Variants in TBC1D25 observed in about 807,000 individuals in gnomAD.
TBC1D25 encodes 5SN3 snoRNA.
Under a neutral mutation model 38.8 loss-of-function variants are expected in TBC1D25, and 13 were observed. The ratio of observed to expected loss-of-function variants is 0.34; its 90% confidence interval spans 0.22 to 0.53. The LOEUF is 0.53. Among genes scored for constraint, TBC1D25 ranks in the 20% least tolerant of loss-of-function variants. TBC1D25 has a pLI of 0.94. For missense variants in TBC1D25, 372 were observed against 600.0 expected (o/e 0.62, Z 3.97); for synonymous variants, 225 against 255.6 (o/e 0.88, Z 1.14).
intron 3 of TBC1D25, among the ~76,000 whole-genome samples, chrX:48,549,861 ATTTTC>A (rs2061915335): frequency 1.8e-5 from 2 of 111,538 alleles, no homozygotes; most frequent in South Asian, 7.3e-4. Flanking sequence ...AATATTCTAT[ATTTTC>A]TTCTACTATG....
intron 3 of TBC1D25, among the ~76,000 whole-genome samples, chrX:48,549,728 T>C (rs781809840): frequency 6.8e-4 from 76 of 112,441 alleles, no homozygotes; most frequent in African/African-American, 2.4e-3. Flanking sequence ...ATCGAATTCC[T>C]GATCTCAAGT....
chrX:48,542,219 A>G (rs1235889236), intron 2 of TBC1D25, among the ~76,000 whole-genome samples: 1 of 97,183 alleles, frequency 1.0e-5, no homozygotes, highest in Non-Finnish European at 2.0e-5. Context: ...CCCGGGCTGC[A>G]GTGCAGTGGC....
At chrX:48,550,750 C>G (rs1452213391) in intron 3 of TBC1D25, among the ~76,000 whole-genome samples, 4 of 110,252 alleles carry the variant, frequency 3.6e-5, no homozygotes, top group African/African-American at 1.3e-4. Flanking sequence ...AGCTCCACCT[C>G]CTGGGTTCAC....
chrX:48,544,384 C>T (rs1260863633), intron 2 of TBC1D25, among the ~76,000 whole-genome samples: 1 of 105,558 alleles, frequency 9.5e-6, no homozygotes, highest in Non-Finnish European at 1.9e-5. Context: ...ATGCCACAAT[C>T]TTGGCTCACT....
chrX:48,559,379 A>G (rs1359280549), intron 5 of TBC1D25, 33 bp downstream of exon 5: 3 of 1,179,745 alleles, frequency 2.5e-6, no homozygotes, highest in Non-Finnish European at 3.4e-6. Flanking sequence ...TGGGTCCATC[A>G]CTGCTGCACT....
chrX:48,552,545 G>A (rs782625807), intron 3 of TBC1D25, among the ~76,000 whole-genome samples: 8 of 109,811 alleles, frequency 7.3e-5, no homozygotes, highest in African/African-American at 2.6e-4. Flanking sequence ...TAGAGACGGG[G>A]TTTCACCGTG....
rs374981677 is a variant in TBC1D25 at position 48,541,329 on chromosome X, C to T, written c.124-4C>T. ...GTGGCCTACCCCATGTCTTCTCTCCCCAGAAATGTGAGAGCTTCTTGCCGC... is the reference window on the plus strand; with the variant it reads ...GTGGCCTACCCCATGTCTTCTCTCCTCAGAAATGTGAGAGCTTCTTGCCGC... On this transcript the variant is annotated splice_polypyrimidine_tract_variant and splice_region_variant and intron_variant, in intron 1 of 5. Transcript: ENST00000376771. 1 of 1,210,938 alleles carries T rather than the reference C, an allele frequency of 8.3e-7. No homozygotes were observed. The highest frequency in any genetic ancestry group is 2.2e-5 in the Admixed American group (1 of 45,995).
chrX:48,556,546 A>G (rs1362239880), intron 3 of TBC1D25, among the ~76,000 whole-genome samples: 5 of 109,941 alleles, frequency 4.5e-5, no homozygotes, highest in Non-Finnish European at 9.5e-5. Context: ...ACCTGAGGTC[A>G]GGAGTTGGAG....
chrX:48,544,305 C>T (rs1288728957), intron 2 of TBC1D25, among the ~76,000 whole-genome samples: 1 of 103,847 alleles, frequency 9.6e-6, no homozygotes, highest in Non-Finnish European at 2.0e-5. Context: ...CACATCTACC[C>T]CAGAGGGGAC....
chrX:48,551,267 C>G (rs1282023438), intron 3 of TBC1D25, among the ~76,000 whole-genome samples: 1 of 111,961 alleles, frequency 8.9e-6, no homozygotes, highest in Non-Finnish European at 1.9e-5. Context: ...AGTCTCCTGT[C>G]AGTTCAGATC....
intron 3 of TBC1D25, among the ~76,000 whole-genome samples, chrX:48,557,591 C>T (rs1203833534): frequency 1.9e-5 from 2 of 106,189 alleles, no homozygotes; most frequent in Non-Finnish European, 3.9e-5. Context: ...TGCAGTGAGC[C>T]GAGATCCCGT....
At chrX:48,545,073 A>C in intron 3 of TBC1D25, 50 bp downstream of exon 3, 1 of 1,185,578 alleles carries the variant, frequency 8.4e-7, no homozygotes, top group Non-Finnish European at 1.1e-6. Flanking sequence ...CCTTTACCCC[A>C]TAGGGTGATG....
intron 3 of TBC1D25, among the ~76,000 whole-genome samples, chrX:48,547,831 G>A (rs2061899101): frequency 9.3e-6 from 1 of 107,850 alleles, no homozygotes; most frequent in Non-Finnish European, 1.9e-5. Flanking sequence ...CCAGCTACTC[G>A]GGAGACTGAG....
At chrX:48,546,212 CAA>C (rs782072122) in intron 3 of TBC1D25, among the ~76,000 whole-genome samples, 3 of 57,031 alleles carry the variant, frequency 5.3e-5, no homozygotes, top group African/African-American at 7.2e-5. Flanking sequence ...GACTTCATCT[CAA>C]AAAAAAAAAA....
intron 3 of TBC1D25, among the ~76,000 whole-genome samples, chrX:48,558,283 G>A (rs1556984940): frequency 9.0e-6 from 1 of 111,547 alleles, no homozygotes; most frequent in Non-Finnish European, 1.9e-5. Context: ...AAACCTTTTT[G>A]TCATCGTCTG....
At chrX:48,546,191 TGACAGA>T (rs2061882654) in intron 3 of TBC1D25, among the ~76,000 whole-genome samples, 1 of 50,062 alleles carries the variant, frequency 2.0e-5, no homozygotes, top group South Asian at 1.0e-3. Context: ...CCAGCCTGGG[TGACAGA>T]GCGAGACTTC....
At position 48,560,250 on chromosome X, in the gene TBC1D25, C is replaced by A. The variant is rs782111373; in HGVS notation, c.1342C>A (p.Pro448Thr). ...PPEHEVELVG[P>T]PSQVADAGFG... Reference sequence around the variant, plus strand: ...TGAACATGAGGTAGAGCTGGTTGGACCCCCCAGCCAAGTGGCAGACGCTGG... The same window carrying A: ...TGAACATGAGGTAGAGCTGGTTGGAACCCCCAGCCAAGTGGCAGACGCTGG... The change falls in exon 6 of 6, where the codon CCC (proline) becomes ACC (threonine). Residue 448 changes from proline (P) to threonine (T), a missense_variant. Coordinates refer to ENST00000376771, the MANE Select transcript of TBC1D25 (RefSeq NM_002536.4). 8.3e-7 allele frequency: 1 copy of A among 1,210,869 alleles called. No homozygotes were observed. Among genetic ancestry groups the A allele is most frequent in the Non-Finnish European group, 1.1e-6 (1 of 895,079 alleles).
chrX:48,560,101 C>T lies in TBC1D25; in HGVS notation c.1193C>T (p.Ala398Val), dbSNP rs928473377. 2.5e-6 allele frequency: 3 copies of T among 1,209,790 alleles called. No individual in the cohort carries two copies. The highest frequency in any genetic ancestry group is 3.4e-6 in the Non-Finnish European group (3 of 894,469). The change falls in exon 6 of 6, where the codon GCA becomes GTA. Residue 398 changes from alanine (A) to valine (V), a missense_variant. Ala to Val is a moderately conservative substitution (Grantham distance 64). Around this residue, in one of 2 missense-constraint regions of TBC1D25, gnomAD observed 312 missense variants for 549.3 expected, o/e 0.57. Coordinates refer to ENST00000376771, the MANE Select transcript of TBC1D25 (RefSeq NM_002536.4). Reference sequence around the variant, plus strand: ...GACTTTTATCAATACCTGCAAGAGGCAGGCGCTGATGACCTCTTCTTCTGT... The same window carrying T: ...GACTTTTATCAATACCTGCAAGAGGTAGGCGCTGATGACCTCTTCTTCTGT... Reference protein sequence around the residue: ...DPDFYQYLQEAGADDLFFCYR... With the variant: ...DPDFYQYLQEVGADDLFFCYR...
intron 3 of TBC1D25, among the ~76,000 whole-genome samples, chrX:48,557,691 C>T (rs1569483532): frequency 9.1e-6 from 1 of 110,351 alleles, no homozygotes; most frequent in Non-Finnish European, 1.9e-5. Flanking sequence ...CACCTGTAAT[C>T]CCAGCTACTT....
Sources: allele counts gnomAD v4.1 joint callset (sites outside exome capture counted in the v4.1 genomes callset), GRCh38; gene constraint gnomAD v4.1.1; regional missense constraint gnomAD v4.1.1; transcripts MANE v1.5; gene names NCBI Gene and HGNC (gene_info 2026-07-23, HGNC 2026-07-21).